CTNNA3: variants seen among roughly 807,000 people sequenced by gnomAD.
CTNNA3 encodes the protein catenin alpha-3.
A neutral mutation model predicts 95.7 loss-of-function variants in CTNNA3; 76 were observed. The observed-to-expected ratio is 0.79, with a 90% CI of 0.66 to 0.96. CTNNA3 has a LOEUF of 0.96. CTNNA3 is among the 40% of genes least tolerant of loss of function. The pLI is 0.00. For synonymous variants in CTNNA3, 431 were observed against 374.4 expected, an observed-to-expected ratio of 1.15 and a Z score of -1.74; for missense variants, 1,191 against 1,089.8, an observed-to-expected ratio of 1.09 and a Z score of -1.31.
chr10:67,241,667 C>T (rs925089106), intron 5 of CTNNA3, among the ~76,000 whole-genome samples: 9 of 152,170 alleles, frequency 5.9e-5, no homozygotes, highest in African/African-American at 1.2e-4. Flanking sequence ...GTTGACCCAA[C>T]TTCCTAGTTA....
At chr10:65,947,953 C>A (rs2077543814) in intron 17 of CTNNA3, among the ~76,000 whole-genome samples, 1 of 152,178 alleles carries the variant, frequency 6.6e-6, no homozygotes, top group African/African-American at 2.4e-5. Context: ...TTGCATGAGA[C>A]AAAGTCAATT....
intron 3 of CTNNA3, among the ~76,000 whole-genome samples, chr10:67,555,204 T>C (rs772117244): frequency 5.4e-4 from 83 of 152,334 alleles, no homozygotes; most frequent in Non-Finnish European, 9.8e-4. Flanking sequence ...TCCAGCTTTG[T>C]TCTTTTGGCT....
chr10:65,966,341 T>G (rs1460401399), intron 17 of CTNNA3, among the ~76,000 whole-genome samples: 3 of 152,200 alleles, frequency 2.0e-5, no homozygotes, highest in Non-Finnish European at 4.4e-5. Context: ...TGCTCTAAAT[T>G]AACATGCATT....
At chr10:66,729,040 G>C (rs554531503) in intron 9 of CTNNA3, among the ~76,000 whole-genome samples, 2 of 152,276 alleles carry the variant, frequency 1.3e-5, no homozygotes, top group East Asian at 3.9e-4. Flanking sequence ...TGTCAAGTTT[G>C]TCTAAGATTA....
intron 7 of CTNNA3, among the ~76,000 whole-genome samples, chr10:66,895,050 T>TAAAAAAAAAAA (rs1156883929): frequency 8.2e-5 from 1 of 12,144 alleles, no homozygotes. Flanking sequence ...GTGAAACAAA[T>TAAAAAAAAAAA]AAACAAAAAA....
chr10:66,439,740 A>AT (rs960047744), intron 11 of CTNNA3, among the ~76,000 whole-genome samples: 7 of 152,128 alleles, frequency 4.6e-5, no homozygotes, highest in African/African-American at 1.7e-4. Context: ...AAATAGATTC[A>AT]TTTTTACCTC....
chr10:67,182,705 A>C (rs1412385035), intron 6 of CTNNA3, among the ~76,000 whole-genome samples: 1 of 152,150 alleles, frequency 6.6e-6, no homozygotes, highest in Non-Finnish European at 1.5e-5. Flanking sequence ...AATTAAACTA[A>C]AGAGCTTCTG....
At chr10:67,308,270 G>A (rs1409855889) in intron 5 of CTNNA3, among the ~76,000 whole-genome samples, 1 of 152,180 alleles carries the variant, frequency 6.6e-6, no homozygotes, top group East Asian at 1.9e-4. Context: ...ATACCCATGT[G>A]TCATCGGAGG....
At chr10:66,022,664 C>T (rs989108240) in intron 15 of CTNNA3, among the ~76,000 whole-genome samples, 1 of 151,794 alleles carries the variant, frequency 6.6e-6, no homozygotes, top group African/African-American at 2.4e-5. Flanking sequence ...AACCAAGCTT[C>T]CTTAGCAAGA....
intron 13 of CTNNA3, among the ~76,000 whole-genome samples, chr10:66,228,193 A>C (rs2089414684): frequency 6.6e-6 from 1 of 151,452 alleles, no homozygotes; most frequent in Admixed American, 6.6e-5. Flanking sequence ...GAATTTTATT[A>C]TTTCTTTCTA....
In CTNNA3 at chr10:67,716,790, ATG is replaced by A. The variant is rs552854820; in HGVS notation, c.-2+46642_-2+46643del. ...AGCGCTGCAATAAACATATGTGTGC[ATG>A]TGTGTTTAGAGTAGAATGACTTATA... On this transcript the variant is annotated intron_variant, in intron 1 of 17. Coordinates refer to the CTNNA3 transcript ENST00000684154. Among the ~76,000 whole-genome samples, 453 of 152,336 alleles carry A rather than the reference ATG, an allele frequency of 3.0e-3. 4 individuals carry two copies. Among genetic ancestry groups the A allele is most frequent in the African/African-American group, 0.01 (429 of 41,578 alleles).
chr10:67,131,946 A>G (rs1860030521), intron 7 of CTNNA3, among the ~76,000 whole-genome samples: 1 of 152,132 alleles, frequency 6.6e-6, no homozygotes, highest in Non-Finnish European at 1.5e-5. Context: ...TATCATACTC[A>G]TATTTCCATT....
At chr10:66,087,794 C>G (rs992162830) in intron 14 of CTNNA3, among the ~76,000 whole-genome samples, 3 of 152,050 alleles carry the variant, frequency 2.0e-5, no homozygotes, top group African/African-American at 7.2e-5. Context: ...ATCCCACTGG[C>G]ATATTAGTTT....
intron 10 of CTNNA3, among the ~76,000 whole-genome samples, chr10:66,579,886 A>G (rs1039600138): frequency 3.3e-5 from 5 of 151,548 alleles, no homozygotes; most frequent in Admixed American, 3.3e-4. Flanking sequence ...TGTGATATTT[A>G]TTTCTGACTG....
At chr10:67,044,154 C>T (rs1444237089) in intron 7 of CTNNA3, among the ~76,000 whole-genome samples, 1 of 151,910 alleles carries the variant, frequency 6.6e-6, no homozygotes, top group Admixed American at 6.6e-5. Flanking sequence ...TTCACATGTA[C>T]CCCATGGCTA....
At chr10:66,835,893 C>T (rs4462223) in intron 7 of CTNNA3, among the ~76,000 whole-genome samples, 1 of 151,838 alleles carries the variant, frequency 6.6e-6, no homozygotes, top group Non-Finnish European at 1.5e-5. Flanking sequence ...AGTAGGCTAG[C>T]GGGTGGGGCC....
chr10:66,623,178 C>T (rs1011833100), intron 9 of CTNNA3, among the ~76,000 whole-genome samples: 1 of 152,040 alleles, frequency 6.6e-6, no homozygotes, highest in Admixed American at 6.6e-5. Flanking sequence ...AGTCTAATTG[C>T]TTTAATTTGT....
rs565092390 is a variant in CTNNA3, at chr10:66,231,691, A to C, written c.1884+48779T>G. 2.0e-5 allele frequency among the ~76,000 whole-genome samples: 3 copies of C among 152,354 alleles called. No individual in the cohort carries two copies. In the South Asian group the frequency reaches 6.2e-4, roughly 32 times the overall value. On this transcript the variant is annotated intron_variant, in intron 13 of 17. Coordinates refer to ENST00000433211, the MANE Select transcript of CTNNA3 (RefSeq NM_013266.4). ...ATGGGTATATATTTTAAATTAATAA[A>C]GTTACTTTATTTTATCCTCCCTCTT...
rs372848362 is a variant in CTNNA3 at position 67,143,064 on chromosome 10, G to T, written c.1047+37253C>A. 3.3e-4 allele frequency among the ~76,000 whole-genome samples: 50 copies of T among 152,230 alleles called. 2 individuals are homozygous for T. In the South Asian group the frequency reaches 0.01, roughly 32 times the overall value. On this transcript the variant is annotated intron_variant, in intron 7 of 17. Coordinates refer to ENST00000433211, the MANE Select transcript of CTNNA3 (RefSeq NM_013266.4). ...ACTGACCAGGATGGTGGTTGCTGAA[G>T]GTTAGGGGTGGCTGTGGCAATTTTT...
Sources: allele counts gnomAD v4.1 joint callset (sites outside exome capture counted in the v4.1 genomes callset), GRCh38; gene constraint gnomAD v4.1.1; transcripts MANE v1.5; gene names NCBI Gene and HGNC (gene_info 2026-07-23, HGNC 2026-07-21).